HYAL4: variants seen among roughly 807,000 people sequenced by gnomAD.
HYAL4 encodes the protein hyaluronidase-4.
Under a neutral mutation model 35.2 loss-of-function variants are expected in HYAL4, and 37 were observed. That is an observed-to-expected ratio of 1.05 (90% confidence interval 0.81 to 1.38). HYAL4 has a LOEUF of 1.38. Among genes scored for constraint, HYAL4 ranks in the 40% most tolerant of loss-of-function variants. The pLI, the probability that HYAL4 is intolerant of heterozygous loss-of-function variation, is 0.00. For missense variants in HYAL4, 572 were observed against 572.4 expected (o/e 1.00, Z 0.01); for synonymous variants, 198 against 203.2 (o/e 0.97, Z 0.22).
chr7:123,808,520 GA>G, the HYAL4 span, among the ~76,000 whole-genome samples: 1 of 150,550 alleles, frequency 6.6e-6, no homozygotes, highest in Non-Finnish European at 1.5e-5. Flanking sequence ...GAAAATGTAT[GA>G]AAAAAAGCAT....
intron 3 of HYAL4, among the ~76,000 whole-genome samples, chr7:123,873,903 T>A (rs979579398): frequency 1.3e-5 from 2 of 152,148 alleles, no homozygotes; most frequent in Non-Finnish European, 2.9e-5. Context: ...ACTTAGAAAT[T>A]AAACACACAT....
chr7:123,794,346 T>C, the HYAL4 span, among the ~76,000 whole-genome samples: 89 of 152,322 alleles, frequency 5.8e-4, no homozygotes, highest in African/African-American at 2.1e-3. Context: ...CTGTAGAAAT[T>C]GGCATAAGTA....
chr7:123,875,966 G>A, intron 4 of HYAL4: 1 of 455,542 alleles, frequency 2.2e-6, no homozygotes, highest in South Asian at 1.6e-5. Flanking sequence ...AACTGTTTAT[G>A]CCTATGCCCA....
At chr7:123,807,324 AAAT>A in the HYAL4 span, among the ~76,000 whole-genome samples, 1 of 152,018 alleles carries the variant, frequency 6.6e-6, no homozygotes, top group Non-Finnish European at 1.5e-5. Context: ...CTAAAACCAT[AAAT>A]AATGTGCAGG....
intron 1 of HYAL4, among the ~76,000 whole-genome samples, chr7:123,839,828 GA>G (rs1806024514): frequency 1.8e-5 from 1 of 54,706 alleles, no homozygotes; most frequent in Non-Finnish European, 4.3e-5. Context: ...TTTTTAATGG[GA>G]TTGTTTGTTT....
At chr7:123,830,039 G>A (rs1296627997) in intron 1 of HYAL4, among the ~76,000 whole-genome samples, 1 of 152,176 alleles carries the variant, frequency 6.6e-6, no homozygotes, top group Non-Finnish European at 1.5e-5. Context: ...TCTTGGAATA[G>A]GGAATAGCAA....
the HYAL4 span, among the ~76,000 whole-genome samples, chr7:123,779,573 T>G: frequency 1.3e-4 from 20 of 152,176 alleles, no homozygotes; most frequent in Non-Finnish European, 2.2e-4. Context: ...AATAAGATTG[T>G]GCTGTTAATT....
At chr7:123,867,960 A>G (rs561974068) in intron 2 of HYAL4, among the ~76,000 whole-genome samples, 1 of 152,348 alleles carries the variant, frequency 6.6e-6, no homozygotes, top group Non-Finnish European at 1.5e-5. Flanking sequence ...TGAACTCCTT[A>G]AAGGCAAGGA....
chr7:123,830,886 A>G (rs1218832984), intron 1 of HYAL4, among the ~76,000 whole-genome samples: 2 of 152,074 alleles, frequency 1.3e-5, no homozygotes, highest in Non-Finnish European at 2.9e-5. Context: ...GCTTTTCTAC[A>G]TCTGAACCCT....
chr7:123,773,514 A>G, the HYAL4 span, among the ~76,000 whole-genome samples: 1 of 152,258 alleles, frequency 6.6e-6, no homozygotes, highest in Non-Finnish European at 1.5e-5. Flanking sequence ...TCAAACAGGA[A>G]TAACTACCGG....
At chr7:123,829,317 T>C (rs944518118) in intron 1 of HYAL4, 3 of 152,126 alleles carry the variant, frequency 2.0e-5, no homozygotes, top group East Asian at 3.9e-4. Flanking sequence ...TTCAATTTAT[T>C]AGTTTTTCTC....
the HYAL4 span, among the ~76,000 whole-genome samples, chr7:123,781,969 A>G: frequency 6.6e-6 from 1 of 152,036 alleles, no homozygotes; most frequent in East Asian, 1.9e-4. Context: ...TGCAGTGGCA[A>G]GTTCCTGGCT....
chr7:123,851,715 C>T (rs997239601), intron 2 of HYAL4, among the ~76,000 whole-genome samples: 1 of 152,166 alleles, frequency 6.6e-6, no homozygotes, highest in Non-Finnish European at 1.5e-5. Flanking sequence ...GTGGATGTGT[C>T]TTTATAGTAG....
At chr7:123,860,021 G>A (rs1454979739) in intron 2 of HYAL4, among the ~76,000 whole-genome samples, 1 of 152,138 alleles carries the variant, frequency 6.6e-6, no homozygotes, top group African/African-American at 2.4e-5. Flanking sequence ...TAATCCCCAT[G>A]TGTGGAGGGA....
At chr7:123,812,589 T>C in the HYAL4 span, among the ~76,000 whole-genome samples, 1 of 152,214 alleles carries the variant, frequency 6.6e-6, no homozygotes, top group Non-Finnish European at 1.5e-5. Context: ...AGTATTTTAC[T>C]AAAGTACAAT....
chr7:123,778,700 C>T, the HYAL4 span, among the ~76,000 whole-genome samples: 1 of 152,056 alleles, frequency 6.6e-6, no homozygotes, highest in African/African-American at 2.4e-5. Context: ...TTGGTGATGC[C>T]AGCTTGATTA....
At chr7:123,845,069 C>G (rs1355430445), upstream of HYAL4, 1 of 152,308 alleles carries the variant, frequency 6.6e-6, no homozygotes, top group African/African-American at 2.4e-5. Context: ...AACCAGGTAC[C>G]TCAGTTGGAA....
At chr7:123,776,921 TG>T in the HYAL4 span, among the ~76,000 whole-genome samples, 1 of 152,158 alleles carries the variant, frequency 6.6e-6, no homozygotes, top group Admixed American at 6.5e-5. Context: ...CCAAGGTTGG[TG>T]AAAGGATTGA....
the HYAL4 span, among the ~76,000 whole-genome samples, chr7:123,786,722 C>CTATA: frequency 7.0e-6 from 1 of 143,148 alleles, no homozygotes; most frequent in South Asian, 2.2e-4. Context: ...TGCTATCTAT[C>CTATA]TATCTATCTA....
Sources: allele counts gnomAD v4.1 joint callset (sites outside exome capture counted in the v4.1 genomes callset), GRCh38; gene constraint gnomAD v4.1.1; transcripts MANE v1.5; gene names NCBI Gene and HGNC (gene_info 2026-07-23, HGNC 2026-07-21).